DLG2: variants seen among roughly 807,000 people sequenced by gnomAD.
DLG2 encodes disks large homolog 2.
In DLG2, 45 loss-of-function variants were observed where a neutral mutation model predicts 132.5. The ratio of observed to expected loss-of-function variants is 0.34; its 90% confidence interval spans 0.27 to 0.44. The LOEUF is 0.44. Ranked by LOEUF, DLG2 falls within the 20% of genes least tolerant of loss-of-function variation. The pLI is 1.00. For missense variants in DLG2, 1,045 were observed against 1,196.9 expected (o/e 0.87, Z 1.87); for synonymous variants, 424 against 419.6 (o/e 1.01, Z -0.13).
At chr11:84,552,819 A>G (rs1263267195) in intron 6 of DLG2, among the ~76,000 whole-genome samples, 2 of 152,136 alleles carry the variant, frequency 1.3e-5, no homozygotes, top group Non-Finnish European at 2.9e-5. Flanking sequence ...CCTCAGATAC[A>G]TCTTCCTTAA....
chr11:84,745,052 T>C (rs2153828588), intron 6 of DLG2, among the ~76,000 whole-genome samples: 1 of 151,750 alleles, frequency 6.6e-6, no homozygotes, highest in Middle Eastern at 3.4e-3. Flanking sequence ...AAAATACTAA[T>C]AGTTATACCG....
chr11:83,899,359 C>T (rs572584158), intron 15 of DLG2, among the ~76,000 whole-genome samples: 2 of 152,204 alleles, frequency 1.3e-5, no homozygotes, highest in South Asian at 4.2e-4. Flanking sequence ...AGGATTTATC[C>T]CTCTCCTGCA....
At chr11:85,156,966 T>C (rs529504792) in intron 4 of DLG2, among the ~76,000 whole-genome samples, 1 of 152,324 alleles carries the variant, frequency 6.6e-6, no homozygotes, top group African/African-American at 2.4e-5. Context: ...TCTGTGAGGT[T>C]GTTGCCAAAA....
intron 3 of DLG2, among the ~76,000 whole-genome samples, chr11:85,563,659 C>CT (rs1004617531): frequency 5.4e-5 from 8 of 147,432 alleles, no homozygotes; most frequent in Admixed American, 4.7e-4. Flanking sequence ...AATTTCATTC[C>CT]TTTTTATTGC....
At chr11:85,393,307 A>G (rs1470324973) in intron 3 of DLG2, among the ~76,000 whole-genome samples, 1 of 152,216 alleles carries the variant, frequency 6.6e-6, no homozygotes, top group African/African-American at 2.4e-5. Context: ...GGTCATATTC[A>G]AAACACCAAA....
rs571187658 is a variant in DLG2 at position 85,027,458 on chromosome 11, G to A, written c.357+84203C>T. On this transcript the variant is annotated intron_variant, in intron 6 of 27. Coordinates refer to ENST00000376104, the MANE Select transcript of DLG2 (RefSeq NM_001142699.3). ...AGCGCCTTCTGCCTGAGTATTGCTC[G>A]CGCCCACAGGGCTCGTTCCACCCAC... Among the ~76,000 whole-genome samples the A allele has an allele frequency of 3.6e-3, 542 of 152,198 alleles. 4 individuals are homozygous for A. The highest frequency in any genetic ancestry group is 5.6e-3 in the Non-Finnish European group (380 of 68,004).
At chr11:84,273,762 C>A (rs952421108) in intron 7 of DLG2, among the ~76,000 whole-genome samples, 33 of 152,164 alleles carry the variant, frequency 2.2e-4, no homozygotes, top group African/African-American at 8.0e-4. Flanking sequence ...CAACTATATA[C>A]ATGCATACTC....
At chr11:84,708,756 G>A (rs1052443677) in intron 6 of DLG2, among the ~76,000 whole-genome samples, 1 of 151,650 alleles carries the variant, frequency 6.6e-6, no homozygotes, top group African/African-American at 2.4e-5. Flanking sequence ...GCAATTTGTT[G>A]GGGAAATAGC....
intron 6 of DLG2, among the ~76,000 whole-genome samples, chr11:84,576,750 C>A (rs1264968658): frequency 1.3e-5 from 2 of 152,160 alleles, no homozygotes; most frequent in Non-Finnish European, 2.9e-5. Context: ...TAGTTTATTT[C>A]TGCAAATGAC....
chr11:84,121,145 C>G (rs1289502004), intron 9 of DLG2, among the ~76,000 whole-genome samples: 3 of 152,156 alleles, frequency 2.0e-5, no homozygotes, highest in African/African-American at 7.2e-5. Flanking sequence ...AGGCACAGTC[C>G]TCACTTTACT....
At chr11:85,012,767 T>C (rs1296956856) in intron 6 of DLG2, among the ~76,000 whole-genome samples, 9 of 152,116 alleles carry the variant, frequency 5.9e-5, no homozygotes, top group Non-Finnish European at 1.2e-4. Flanking sequence ...ATCAAATGAG[T>C]ATTTTTTCCC....
chr11:84,584,483 A>G (rs1339597881), intron 6 of DLG2, among the ~76,000 whole-genome samples: 1 of 151,512 alleles, frequency 6.6e-6, no homozygotes, highest in Non-Finnish European at 1.5e-5. Flanking sequence ...AGTAACTGGG[A>G]CTACAGGTGG....
rs1363224768 is a variant in DLG2, at chr11:84,923,003, T to C, written c.357+188658A>G. ...CCAGCAATCCGAAAAGTCCTGAAGC[T>C]ACACAAGGTAGACATTTTCTGCAGC... On this transcript the variant is annotated intron_variant, in intron 6 of 27. Transcript: ENST00000376104. 3 of 1,584,464 alleles carry C rather than the reference T, an allele frequency of 1.9e-6. No homozygotes were observed. In the South Asian group the frequency reaches 3.3e-5, roughly 18 times the overall value.
At chr11:85,212,233 C>T (rs1176619456) in intron 4 of DLG2, among the ~76,000 whole-genome samples, 1 of 152,034 alleles carries the variant, frequency 6.6e-6, no homozygotes, top group Non-Finnish European at 1.5e-5. Context: ...GATCATTCAT[C>T]CTTCCCAGAT....
chr11:85,281,232 T>C (rs1430222134), intron 4 of DLG2, among the ~76,000 whole-genome samples: 1 of 152,048 alleles, frequency 6.6e-6, no homozygotes, highest in East Asian at 1.9e-4. Flanking sequence ...TCACTTTCTT[T>C]CCAGACAAGA....
chr11:84,976,732 T>A (rs1263914437), intron 6 of DLG2, among the ~76,000 whole-genome samples: 3 of 152,142 alleles, frequency 2.0e-5, no homozygotes, highest in Non-Finnish European at 4.4e-5. Flanking sequence ...CCTTTTAAGA[T>A]ACAATTTTAC....
rs575932475 is a variant in DLG2 at position 83,500,719 on chromosome 11, A to T, written c.2194-16491T>A. Among the ~76,000 whole-genome samples the T allele has an allele frequency of 3.3e-5, 5 of 152,152 alleles. No individual in the cohort carries two copies. The East Asian group carries it at 9.6e-4, about 29-fold the overall frequency. On this transcript the variant is annotated intron_variant, in intron 21 of 27. Coordinates refer to ENST00000376104, the MANE Select transcript of DLG2 (RefSeq NM_001142699.3). ...CTTTATTAATAAATTTATTTATTGA[A>T]TGCCTGTATGTCCCACTATGTGTCA...
chr11:85,451,202 A>G (rs2092230529), intron 3 of DLG2, among the ~76,000 whole-genome samples: 1 of 152,148 alleles, frequency 6.6e-6, no homozygotes, highest in South Asian at 2.1e-4. Flanking sequence ...GCTAGCCTTG[A>G]TAACTTCTTC....
At chr11:84,975,495 GAA>G (rs796554738) in intron 6 of DLG2, among the ~76,000 whole-genome samples, 2 of 152,264 alleles carry the variant, frequency 1.3e-5, no homozygotes, top group African/African-American at 4.8e-5. Flanking sequence ...GTGATCATGA[GAA>G]ATACAACAAA....
Sources: allele counts gnomAD v4.1 joint callset (sites outside exome capture counted in the v4.1 genomes callset), GRCh38; gene constraint gnomAD v4.1.1; transcripts MANE v1.5; gene names NCBI Gene and HGNC (gene_info 2026-07-23, HGNC 2026-07-21).